The following FBN2 variants were observed in gnomAD, a reference collection of about 807,000 sequenced individuals.
The protein encoded by FBN2 is fibrillin 2, also known as fibrillin-2.
Under a neutral mutation model 355.6 loss-of-function variants are expected in FBN2, and 105 were observed. The observed-to-expected ratio is 0.30, with a 90% CI of 0.25 to 0.35. The LOEUF is 0.35. Among genes scored for constraint, FBN2 ranks in the 10% least tolerant of loss-of-function variants. FBN2 has a pLI of 1.00. For synonymous variants in FBN2, 1,350 were observed against 1,301.2 expected, an observed-to-expected ratio of 1.04 and a Z score of -0.81; for missense variants, 3,280 against 3,758.7, an observed-to-expected ratio of 0.87 and a Z score of 3.33.
chr5:128,363,248 T>TGGC (rs567969858), intron 18 of FBN2, among the ~76,000 whole-genome samples: 123 of 152,190 alleles, frequency 8.1e-4, no homozygotes, highest in Middle Eastern at 6.8e-3. Context: ...TGGAGTGCAG[T>TGGC]GGCGAGGTCT....
At chr5:128,301,588 A>G in intron 46 of FBN2, 78 bp from the exon 47 acceptor site, 1 of 1,376,876 alleles carries the variant, frequency 7.3e-7, no homozygotes, top group Non-Finnish European at 1.0e-6. Context: ...ACTTAAAAAC[A>G]TACTTATTGG....
At chr5:128,516,182 A>C (rs1756276127) in intron 5 of FBN2, among the ~76,000 whole-genome samples, 1 of 152,160 alleles carries the variant, frequency 6.6e-6, no homozygotes, top group Admixed American at 6.5e-5. Context: ...TTAGGGAAAA[A>C]ACCCATCAGG....
rs1029936357 is a variant in FBN2, at chr5:128,335,485, C to T, written c.3817G>A (p.Ala1273Thr). 3 of 1,614,236 alleles carry T rather than the reference C, an allele frequency of 1.9e-6. No individual in the cohort carries two copies. Among genetic ancestry groups the T allele is most frequent in the African/African-American group, 1.3e-5 (1 of 75,064 alleles). ...SYECSCSEGY[A>T]LMPDGRSCAD... ...CACGATCTCCCATCTGGCATCAGGG[C>T]ATAACCCTCACTGCAGCTGCATTCG... The change falls in exon 29 of 65, where the codon GCC becomes ACC. Residue 1273 changes from alanine to threonine, a missense_variant. Physicochemically the swap from Ala to Thr is moderately conservative, Grantham distance 58 (BLOSUM62 0). Transcript: ENST00000262464.
chr5:128,299,368 G>A (rs566108628), intron 48 of FBN2, among the ~76,000 whole-genome samples: 48 of 150,176 alleles, frequency 3.2e-4, no homozygotes, highest in Non-Finnish European at 4.7e-4. Flanking sequence ...CAAACAGTTC[G>A]AGCTTCCGGG....
chr5:128,281,315 C>T (rs557153270), intron 55 of FBN2, among the ~76,000 whole-genome samples: 16 of 152,306 alleles, frequency 1.1e-4, no homozygotes, highest in African/African-American at 3.8e-4. Context: ...TTCCTATGCC[C>T]TCCTTTTCCC....
chr5:128,355,247 A>G (rs1751469908), intron 20 of FBN2, among the ~76,000 whole-genome samples: 1 of 152,202 alleles, frequency 6.6e-6, no homozygotes. Context: ...TCACAGCCAT[A>G]TATCCATGCA....
chr5:128,354,247 T>C (rs1009279941), intron 20 of FBN2, among the ~76,000 whole-genome samples: 1 of 152,156 alleles, frequency 6.6e-6, no homozygotes, highest in Non-Finnish European at 1.5e-5. Flanking sequence ...GAGAAAAACA[T>C]TCCTGCCAGA....
intron 25 of FBN2, among the ~76,000 whole-genome samples, chr5:128,340,125 GT>G (rs1750960380): frequency 6.6e-6 from 1 of 152,274 alleles, no homozygotes; most frequent in Admixed American, 6.5e-5. Flanking sequence ...TATAAAATAT[GT>G]TTAAGAAAAC....
In FBN2 at chr5:128,382,013, ACTCT is replaced by A. The variant is rs1752247173; in HGVS notation, c.1604-3127_1604-3124del. On this transcript the variant is annotated intron_variant, in intron 11 of 64. Transcript: ENST00000262464. Reference sequence around the variant, plus strand: ...CATTTTTGGCAAAATTATGATGCTAACTCTCTCTATACCTGGCCTCTCATCTATA... The same window carrying A: ...CATTTTTGGCAAAATTATGATGCTAACTCTATACCTGGCCTCTCATCTATA... Among the ~76,000 whole-genome samples the A allele has an allele frequency of 2.0e-5, 3 of 151,798 alleles. No homozygotes were observed. The South Asian group carries it at 6.2e-4, about 32-fold the overall frequency.
chr5:128,302,564 A>T (rs1309342790), intron 46 of FBN2, among the ~76,000 whole-genome samples: 1 of 152,238 alleles, frequency 6.6e-6, no homozygotes, highest in Non-Finnish European at 1.5e-5. Flanking sequence ...GACAGGTGTA[A>T]GCAGGAGGCT....
chr5:128,329,902 TGA>T (rs1750648371), intron 33 of FBN2, among the ~76,000 whole-genome samples: 1 of 152,218 alleles, frequency 6.6e-6, no homozygotes, highest in Non-Finnish European at 1.5e-5. Flanking sequence ...ATGCATATAA[TGA>T]GAGGATGCTT....
intron 20 of FBN2, among the ~76,000 whole-genome samples, chr5:128,356,127 C>A (rs977194186): frequency 6.6e-6 from 1 of 152,128 alleles, no homozygotes; most frequent in Non-Finnish European, 1.5e-5. Flanking sequence ...CCAACCCACA[C>A]ACCCCACCGC....
chr5:128,286,832 C>T lies in FBN2; in HGVS notation c.6898G>A (p.Glu2300Lys), dbSNP rs1419124277. ...CTAGATTCACAGTCGTGTAACCCTTCAGCACATTCATCCAGATCTAGAACA... is the reference window on the plus strand; with the variant it reads ...CTAGATTCACAGTCGTGTAACCCTTTAGCACATTCATCCAGATCTAGAACA... Reference protein sequence around the residue: ...KMCKDLDECAEGLHDCESRGM... With the variant: ...KMCKDLDECAKGLHDCESRGM... The change falls in exon 55 of 65, where the codon GAA (glutamate) becomes AAA (lysine). Residue 2300 changes from glutamate to lysine, a missense_variant. Physicochemically the swap from Glu to Lys is moderately conservative, Grantham distance 56 (BLOSUM62 1). Coordinates refer to ENST00000262464, the MANE Select transcript of FBN2 (RefSeq NM_001999.4). 2 of 1,614,076 alleles carry T rather than the reference C, an allele frequency of 1.2e-6. No individual in the cohort carries two copies. The highest frequency in any genetic ancestry group is 1.7e-6 in the Non-Finnish European group (2 of 1,179,908).
At chr5:128,394,029 G>A (rs1035490664) in intron 9 of FBN2, among the ~76,000 whole-genome samples, 1 of 152,078 alleles carries the variant, frequency 6.6e-6, no homozygotes, top group Non-Finnish European at 1.5e-5. Context: ...GGAACTGGGA[G>A]AATCCAAAAT....
chr5:128,325,451 C>T (rs1750518048), intron 34 of FBN2, among the ~76,000 whole-genome samples: 1 of 152,100 alleles, frequency 6.6e-6, no homozygotes, highest in Non-Finnish European at 1.5e-5. Context: ...TTTTGCTTTC[C>T]ATTTGCTTGG....
At chr5:128,464,394 T>A (rs1206464913) in intron 6 of FBN2, among the ~76,000 whole-genome samples, 3 of 152,216 alleles carry the variant, frequency 2.0e-5, no homozygotes, top group Non-Finnish European at 4.4e-5. Flanking sequence ...TTTTCCTGGG[T>A]ATTTGCATGA....
chr5:128,444,613 G>A (rs1754018312), intron 7 of FBN2, among the ~76,000 whole-genome samples: 1 of 152,210 alleles, frequency 6.6e-6, no homozygotes, highest in African/African-American at 2.4e-5. Flanking sequence ...AGGAAGCAAA[G>A]AAAGGCACGA....
chr5:128,349,811 A>G, intron 22 of FBN2, 144 bp downstream of exon 22: 1 of 725,978 alleles, frequency 1.4e-6, no homozygotes, highest in Non-Finnish European at 2.4e-6. Flanking sequence ...ATTATGCTAA[A>G]GCATTTGTTG....
intron 5 of FBN2, among the ~76,000 whole-genome samples, chr5:128,480,145 T>C (rs1305847864): frequency 1.4e-5 from 2 of 145,036 alleles, no homozygotes; most frequent in Non-Finnish European, 3.0e-5. Context: ...ATATATATTA[T>C]ACATAGTATT....
Sources: gnomAD v4.1 joint callset for allele counts (sites outside exome capture counted in the v4.1 genomes callset) on GRCh38, gnomAD v4.1.1 for gene constraint, MANE v1.5 for transcripts, NCBI Gene and HGNC (gene_info 2026-07-23, HGNC 2026-07-21) for gene names.